Variants in NQO2 observed in about 807,000 individuals in gnomAD.
NQO2 encodes ribosyldihydronicotinamide dehydrogenase [quinone].
Under a neutral mutation model 22.0 loss-of-function variants are expected in NQO2, and 18 were observed. The observed-to-expected ratio is 0.82, with a 90% CI of 0.56 to 1.21. NQO2 has a LOEUF of 1.21. NQO2 is among the 50% of genes most tolerant of loss of function. The probability of loss-of-function intolerance (pLI) is 0.00; values close to 1 mark genes in which losing one functional copy is unlikely to be tolerated. For synonymous variants in NQO2, 106 were observed against 110.8 expected (o/e 0.96, Z 0.28); for missense variants, 267 against 286.9 (o/e 0.93, Z 0.50).
intron 5 of NQO2, 114 bp from the exon 6 acceptor site, chr6:3,016,770 G>T: frequency 2.0e-6 from 3 of 1,506,004 alleles, no homozygotes; most frequent in Non-Finnish European, 2.7e-6. Context: ...ATCCCTGGAG[G>T]GTGTCCACAC....
At chr6:3,016,037 G>C (rs139122857) in intron 5 of NQO2, among the ~76,000 whole-genome samples, 2 of 152,206 alleles carry the variant, frequency 1.3e-5, no homozygotes, top group Non-Finnish European at 2.9e-5. Context: ...TCATGTGCCT[G>C]CTGTGAGAAA....
Position 3,008,228 on chromosome 6 carries a change from A to G in NQO2, c.7+1669A>G, listed in dbSNP as rs541380596. 2.0e-5 allele frequency among the ~76,000 whole-genome samples: 3 copies of G among 151,122 alleles called. No individual in the cohort carries two copies. The East Asian group carries it at 5.9e-4, about 30-fold the overall frequency. On this transcript the variant is annotated intron_variant, in intron 2 of 6. Transcript: ENST00000380455. ...AGGTCGGGAGTTCGAGACCAGCTTG[A>G]CCAACATGGAGAAACCCGGTCTTAA...
At chr6:3,004,686 C>CTTTTTG in intron 1 of NQO2, 1 of 980,060 alleles carries the variant, frequency 1.0e-6, no homozygotes, top group Non-Finnish European at 1.2e-6. Context: ...TGTCTCTGTG[C>CTTTTTG]TTTTTGTTTT....
chr6:3,008,711 G>A (rs867968511), intron 2 of NQO2, among the ~76,000 whole-genome samples: 1 of 152,160 alleles, frequency 6.6e-6, no homozygotes, highest in Non-Finnish European at 1.5e-5. Context: ...CTAAGTGTCG[G>A]CCGGTCTGAG....
chr6:3,018,987 T>C (rs950069365), intron 6 of NQO2, among the ~76,000 whole-genome samples: 2 of 152,204 alleles, frequency 1.3e-5, no homozygotes, highest in Non-Finnish European at 2.9e-5. Context: ...ATATATTTTC[T>C]CACATACATA....
In NQO2 at chr6:3,019,255, T is replaced by C. The variant is rs373410372; in HGVS notation, c.520-224T>C. ...TGTAGGTTAATTGCAGTTATAAAAA[T>C]AGAGCTTGGAAATTGCAACTGCCCC... is the stretch of plus-strand genomic sequence containing the variant. On this transcript the variant is annotated intron_variant, in intron 6 of 6. Transcript: ENST00000380455. The C allele has an allele frequency of 2.2e-5, 12 of 549,158 alleles. No individual in the cohort carries two copies. In the South Asian group the frequency reaches 8.0e-4, roughly 37 times the overall value. 34.0% of individuals were successfully genotyped at this position (549,158 alleles called of 1,614,324 possible). A position where few individuals can be genotyped will look rare whatever the true frequency, so the allele number is the denominator to read the frequency against.
At chr6:3,005,647 T>C in intron 1 of NQO2, 2 of 985,354 alleles carry the variant, frequency 2.0e-6, no homozygotes, top group Non-Finnish European at 2.4e-6. Context: ...AGAGTGGGTT[T>C]GTTGGAGTCT....
chr6:3,015,186 C>T, intron 4 of NQO2: 1 of 1,330,892 alleles, frequency 7.5e-7, no homozygotes, highest in Non-Finnish European at 9.8e-7. Context: ...GCATGCTTTT[C>T]CATACTCTTC....
chr6:3,009,560 A>T (rs946862675), intron 2 of NQO2, among the ~76,000 whole-genome samples: 7 of 152,258 alleles, frequency 4.6e-5, no homozygotes, highest in Non-Finnish European at 1.0e-4. Flanking sequence ...GGAAGTGATA[A>T]CTGTCCATGA....
rs541517564 is a variant in NQO2 at position 3,002,852 on chromosome 6, G to A, written c.-86+2767G>A. Among the ~76,000 whole-genome samples the A allele has an allele frequency of 5.3e-5, 8 of 151,746 alleles. No homozygotes were observed. The East Asian group carries it at 1.6e-3, about 29-fold the overall frequency. ...CTAACTCTGTCACCCAGTCTGGAGT[G>A]GAGCAATCCTCTAATCTCAGCCCCC... is the stretch of plus-strand genomic sequence containing the variant. On this transcript the variant is annotated intron_variant, in intron 1 of 6. Coordinates refer to ENST00000380455, the MANE Select transcript of NQO2 (RefSeq NM_000904.6).
chr6:3,013,928 C>T (rs1259044296), intron 4 of NQO2, among the ~76,000 whole-genome samples: 1 of 152,204 alleles, frequency 6.6e-6, no homozygotes, highest in Non-Finnish European at 1.5e-5. Flanking sequence ...CTTTCTGCCT[C>T]TTGGCTCTGT....
intron 6 of NQO2, among the ~76,000 whole-genome samples, chr6:3,018,996 T>G (rs1278875756): frequency 6.6e-6 from 1 of 152,162 alleles, no homozygotes; most frequent in Non-Finnish European, 1.5e-5. Flanking sequence ...CTCACATACA[T>G]AATTTTTATT....
At chr6:3,007,197 A>G (rs1038041233) in intron 2 of NQO2, among the ~76,000 whole-genome samples, 5 of 152,056 alleles carry the variant, frequency 3.3e-5, no homozygotes, top group Middle Eastern at 3.2e-3. Context: ...ACCTAGCACC[A>G]TCCCTGGCCT....
rs1219947900 is a variant in NQO2, at chr6:3,016,544, GC to G, written c.418-339del. ...AGATGTGTCTTGGACCATGAATGGT[GC>G]TACCACTTACTGAGCAGCCCTGTGT... On this transcript the variant is annotated intron_variant, in intron 5 of 6. Transcript: ENST00000380455. Among the ~76,000 whole-genome samples, 5 of 152,210 alleles carry G rather than the reference GC, an allele frequency of 3.3e-5. No homozygotes were observed. In the South Asian group the frequency reaches 8.3e-4, roughly 25 times the overall value.
chr6:3,019,414 T>C, intron 6 of NQO2, 65 bp from the exon 7 acceptor site: 1 of 1,509,928 alleles, frequency 6.6e-7, no homozygotes, highest in Admixed American at 2.1e-5. Context: ...CCTTAAATCA[T>C]TTAACTGAAT....
chr6:3,009,981 GAGAGGTTGTTCTTCA>G lies in NQO2; in HGVS notation c.8-38_8-24del, dbSNP rs773819060. 8.3e-6 allele frequency: 13 copies of G among 1,574,360 alleles called. No homozygotes were observed. The East Asian group carries it at 2.9e-4, about 36-fold the overall frequency. On this transcript the variant is annotated intron_variant, in intron 2 of 6. Transcript: ENST00000380455. The stretch of plus-strand genomic sequence containing the variant: ...CTTAGTCTTCATTGAATTTAACAGA[GAGAGGTTGTTCTTCA>G]AGAGGAACTGTTTCTTATCCTGATT...
chr6:3,004,371 T>C (rs1276763628), intron 1 of NQO2: 40 of 984,602 alleles, frequency 4.1e-5, no homozygotes, highest in Non-Finnish European at 9.6e-6. Flanking sequence ...CTTTGGGTGT[T>C]TGGAGTGATC....
In NQO2 at chr6:3,016,971, C is replaced by T. The variant is rs761636347; in HGVS notation, c.505C>T (p.Leu169=). The T allele has an allele frequency of 6.2e-7, 1 of 1,613,952 alleles. No individual in the cohort carries two copies. Among genetic ancestry groups the T allele is most frequent in the Non-Finnish European group, 8.5e-7 (1 of 1,179,992 alleles). ...TGVNGDSRYF[L]WPLQHGTLHF... The stretch of plus-strand genomic sequence containing the variant: ...AGTCAATGGAGATTCTCGATACTTC[C>T]TGTGGCCACTCCAGGTAGACCAGCT... The change falls in exon 6 of 7, where the codon CTG becomes TTG. Residue 169 remains leucine (L), a synonymous_variant. Coordinates refer to ENST00000380455, the MANE Select transcript of NQO2 (RefSeq NM_000904.6).
chr6:3,006,838 G>C lies in NQO2; in HGVS notation c.7+279G>C. On this transcript the variant is annotated intron_variant, in intron 2 of 6. Coordinates refer to ENST00000380455, the MANE Select transcript of NQO2 (RefSeq NM_000904.6). This position sits in a 1 kb window ranked among gnomAD's most constrained non-coding sequence, Gnocchi z 4.0. Reference sequence around the variant, plus strand: ...CAGAATTTAGGTTCCTCAAAAGTGGGGCCCTGCCTATCCTGTCTTTGCTGT... The same window carrying C: ...CAGAATTTAGGTTCCTCAAAAGTGGCGCCCTGCCTATCCTGTCTTTGCTGT... 1 of 450,546 alleles carries C rather than the reference G, an allele frequency of 2.2e-6. No homozygotes were observed. The highest frequency in any genetic ancestry group is 3.5e-5 in the East Asian group (1 of 28,900). The allele number at this position is 450,546 out of a possible 1,614,324, so 27.9% of individuals were successfully genotyped here. A position where few individuals can be genotyped will look rare whatever the true frequency, so the allele number is the denominator to read the frequency against.
Sources: gnomAD v4.1 joint callset for allele counts (sites outside exome capture counted in the v4.1 genomes callset) on GRCh38, gnomAD v4.1.1 for gene constraint, Gnocchi (gnomAD v3.1) non-coding constraint, MANE v1.5 for transcripts, NCBI Gene and HGNC (gene_info 2026-07-23, HGNC 2026-07-21) for gene names.